SERPINA11: variants seen among roughly 807,000 people sequenced by gnomAD.
SERPINA11 encodes the protein serpin family A member 11.
A neutral mutation model predicts 29.4 loss-of-function variants in SERPINA11; 28 were observed. The observed-to-expected ratio is 0.95, with a 90% CI of 0.70 to 1.30. The LOEUF is 1.30. Ranked by LOEUF, SERPINA11 falls within the 50% of genes most tolerant of loss-of-function variation. SERPINA11 has a pLI of 0.00. For missense variants in SERPINA11, 530 were observed against 507.3 expected (o/e 1.04, Z -0.43); for synonymous variants, 253 against 206.6 (o/e 1.22, Z -1.92).
In SERPINA11 at chr14:94,449,475, TTC is replaced by T. The variant is rs1361964397; in HGVS notation, c.-3-700_-3-699del. On this transcript the variant is annotated intron_variant, in intron 1 of 4. Coordinates refer to ENST00000334708, the MANE Select transcript of SERPINA11 (RefSeq NM_001080451.2). ...TTTCTTTCTTTCTTTCTTTCTTTCTTTCTTTCTGTCTGTCTGTCTTTCTTTCT... is the reference window on the plus strand; with the variant it reads ...TTTCTTTCTTTCTTTCTTTCTTTCTTTTTCTGTCTGTCTGTCTTTCTTTCT... 1.8e-3 allele frequency among the ~76,000 whole-genome samples: 167 copies of T among 91,398 alleles called. 17 individuals are homozygous for T. Among genetic ancestry groups the T allele is most frequent in the African/African-American group, 8.0e-3 (157 of 19,748 alleles). 60.0% of individuals were successfully genotyped at this position (91,398 alleles called of 152,430 possible). A position where few individuals can be genotyped will look rare whatever the true frequency, so the allele number is the denominator to read the frequency against.
At chr14:94,449,193 T>G (rs937786043) in intron 1 of SERPINA11, among the ~76,000 whole-genome samples, 1 of 151,888 alleles carries the variant, frequency 6.6e-6, no homozygotes, top group Non-Finnish European at 1.5e-5. Flanking sequence ...TACAAAATGT[T>G]TTTAAAAATT....
In SERPINA11 at chr14:94,448,585, C is replaced by A; in HGVS notation, c.190G>T (p.Glu64Ter). ...ITNFALRLYK[E>*]LAADAPGNIF... ...TTTCCGGGGGCGTCTGCTGCCAGCT[C>A]TTTATACAAACGCAAAGCAAAATTG... The change falls in exon 2 of 5, where the codon GAG becomes TAG. Residue 64 changes from glutamate to a stop codon, truncating the protein, a stop_gained. Transcript: ENST00000334708. LOFTEE classifies it high-confidence loss of function. 1 of 1,614,050 alleles carries A rather than the reference C, an allele frequency of 6.2e-7. No homozygotes were observed.
rs930277795 is a variant in SERPINA11, at chr14:94,442,986, A to G, written c.1065+92T>C. 2.7e-6 allele frequency: 4 copies of G among 1,455,576 alleles called. No individual in the cohort carries two copies. In the African/African-American group the frequency reaches 5.7e-5, roughly 21 times the overall value. 90.2% of individuals were successfully genotyped at this position (1,455,576 alleles called of 1,614,324 possible). A position where few individuals can be genotyped will look rare whatever the true frequency, so the allele number is the denominator to read the frequency against. ...AAATAGTCTGCACAGGACAAAGAAC[A>G]AGGAACTTGACTTTTAAATGTCCCA... On this transcript the variant is annotated intron_variant, in intron 4 of 4. Transcript: ENST00000334708.
chr14:94,449,785 T>A (rs1898553946), intron 1 of SERPINA11, among the ~76,000 whole-genome samples: 1 of 152,108 alleles, frequency 6.6e-6, no homozygotes, highest in South Asian at 2.1e-4. Context: ...AATAGCTATA[T>A]ATGTGATGAC....
intron 2 of SERPINA11, 106 bp downstream of exon 2, chr14:94,448,026 A>T: frequency 8.9e-7 from 1 of 1,117,898 alleles, no homozygotes; most frequent in Admixed American, 2.1e-5. Flanking sequence ...TATCTTATTC[A>T]TAGATTTCCC....
At chr14:94,448,877 G>T in intron 1 of SERPINA11, 100 bp from the exon 2 acceptor site, 7 of 1,145,140 alleles carry the variant, frequency 6.1e-6, no homozygotes, top group Non-Finnish European at 8.4e-6. Context: ...GTGCCCCACA[G>T]GGCTGCCATG....
rs76289690 is a variant in SERPINA11, at chr14:94,448,297, G to T, written c.478C>A (p.Leu160Ile). The stretch of plus-strand genomic sequence containing the variant: ...GCAGAAAAAGCAAAAGCTCCATAAA[G>T]CTCCTTGATGCTGTCCAAATAGTGC... Reference protein sequence around the residue: ...RQHYLDSIKELYGAFAFSANF... With the variant: ...RQHYLDSIKEIYGAFAFSANF... Residue 160 changes from leucine (L) to isoleucine (I), a missense_variant, in exon 2 of 5, where the codon CTT (leucine) becomes ATT (isoleucine). Physicochemically the swap from Leu to Ile is conservative, Grantham distance 5. Transcript: ENST00000334708. 1.2e-6 allele frequency: 2 copies of T among 1,614,116 alleles called. No individual in the cohort carries two copies. Among genetic ancestry groups the T allele is most frequent in the African/African-American group, 2.7e-5 (2 of 74,934 alleles).
chr14:94,442,506 T>C lies in SERPINA11; in HGVS notation c.*100A>G, dbSNP rs945558974. 2.4e-5 allele frequency: 19 copies of C among 804,762 alleles called. No homozygotes were observed. Among genetic ancestry groups the C allele is most frequent in the African/African-American group, 2.3e-4 (13 of 57,546 alleles). The allele number at this position is 804,762 out of a possible 1,614,324, so 49.9% of individuals were successfully genotyped here. A position where few individuals can be genotyped will look rare whatever the true frequency, so the allele number is the denominator to read the frequency against. ...CAACTTTATTAGAATCTTGGCACAC[T>C]GATTAACTGAACCACATAGCAGCCC... On this transcript the variant is annotated 3_prime_UTR_variant, in exon 5 of 5. Coordinates refer to ENST00000334708, the MANE Select transcript of SERPINA11 (RefSeq NM_001080451.2).
At chr14:94,443,938 A>C (rs1352197065) in intron 3 of SERPINA11, among the ~76,000 whole-genome samples, 1 of 152,190 alleles carries the variant, frequency 6.6e-6, no homozygotes, top group Non-Finnish European at 1.5e-5. Flanking sequence ...TCTTCTTTAT[A>C]ATTATGGTTT....
intron 3 of SERPINA11, among the ~76,000 whole-genome samples, chr14:94,446,011 G>A (rs1461533493): frequency 2.0e-5 from 3 of 152,178 alleles, no homozygotes; most frequent in Admixed American, 2.0e-4. Flanking sequence ...ATGGGGATCA[G>A]ACAGACACCA....
Position 94,449,395 on chromosome 14 carries a change from TCTTTCTTTCTATTCTTTCTTTCTTTC to T in SERPINA11, c.-3-644_-3-619del, listed in dbSNP as rs201948710. 5.7e-3 allele frequency among the ~76,000 whole-genome samples: 470 copies of T among 82,120 alleles called. 24 individuals are homozygous for T. Among genetic ancestry groups the T allele is most frequent in the African/African-American group, 7.7e-3 (182 of 23,560 alleles). 53.9% of individuals were successfully genotyped at this position (82,120 alleles called of 152,430 possible). A position where few individuals can be genotyped will look rare whatever the true frequency, so the allele number is the denominator to read the frequency against. On this transcript the variant is annotated intron_variant, in intron 1 of 4. Coordinates refer to ENST00000334708, the MANE Select transcript of SERPINA11 (RefSeq NM_001080451.2). ...CCATAGTCTAGCCTCCCTCCCTCTTTCTTTCTTTCTATTCTTTCTTTCTTTCTTTCTTTCTTTCTTTCTTTCTTTCT... is the reference window on the plus strand; with the variant it reads ...CCATAGTCTAGCCTCCCTCCCTCTTTTTTCTTTCTTTCTTTCTTTCTTTCT...
intron 3 of SERPINA11, 87 bp from the exon 4 acceptor site, chr14:94,443,312 A>AAATGCCTCTCTCCCAT: frequency 7.4e-7 from 1 of 1,348,636 alleles, no homozygotes; most frequent in South Asian, 1.4e-5. Flanking sequence ...GAGCCATGGG[A>AAATGCCTCTCTCCCAT]GAGAGGCATT....
chr14:94,446,779 A>G (rs978453206), intron 2 of SERPINA11, among the ~76,000 whole-genome samples, 175 bp from the exon 3 acceptor site: 9 of 152,222 alleles, frequency 5.9e-5, no homozygotes, highest in Non-Finnish European at 1.2e-4. Context: ...AGGACAAGTC[A>G]CCAGTGTTTG....
chr14:94,450,785 C>T (rs529143056), intron 1 of SERPINA11, among the ~76,000 whole-genome samples: 1 of 152,266 alleles, frequency 6.6e-6, no homozygotes, highest in South Asian at 2.1e-4. Flanking sequence ...GCTGGGAATG[C>T]AGCCTGAGCT....
At chr14:94,445,906 T>C (rs1381827088) in intron 3 of SERPINA11, among the ~76,000 whole-genome samples, 2 of 151,980 alleles carry the variant, frequency 1.3e-5, no homozygotes, top group Non-Finnish European at 2.9e-5. Context: ...TCTGATCTGA[T>C]TTTTTTTGCT....
chr14:94,445,566 G>A (rs539291452), intron 3 of SERPINA11, among the ~76,000 whole-genome samples: 1 of 152,156 alleles, frequency 6.6e-6, no homozygotes, highest in East Asian at 1.9e-4. Context: ...ACAATATAAT[G>A]ATAATAATAA....
At chr14:94,446,239 G>A (rs1898434942) in intron 3 of SERPINA11, 92 bp downstream of exon 3, 1 of 1,180,432 alleles carries the variant, frequency 8.5e-7, no homozygotes, top group Non-Finnish European at 1.2e-6. Context: ...GCCTAATCGA[G>A]ATGGATGTTG....
At chr14:94,447,022 G>C (rs1160104850) in intron 2 of SERPINA11, among the ~76,000 whole-genome samples, 1 of 152,198 alleles carries the variant, frequency 6.6e-6, no homozygotes, top group Admixed American at 6.5e-5. Context: ...TGACTGAGCA[G>C]CTCAGATTGC....
Position 94,443,155 on chromosome 14 carries a change from T to A in SERPINA11, c.988A>T (p.Ile330Phe). ...AAGTTGAGTATGTTGGTGAGACCAA[T>A]TTGGGGAAGTATGTCTTCCAGGTTA... Reference protein sequence around the residue: ...TYNLEDILPQIGLTNILNLEA... With the variant: ...TYNLEDILPQFGLTNILNLEA... The change falls in exon 4 of 5, where the codon ATT becomes TTT. Residue 330 changes from isoleucine to phenylalanine, a missense_variant. Coordinates refer to ENST00000334708, the MANE Select transcript of SERPINA11 (RefSeq NM_001080451.2). 1 of 1,614,078 alleles carries A rather than the reference T, an allele frequency of 6.2e-7. No individual in the cohort carries two copies. Among genetic ancestry groups the A allele is most frequent in the South Asian group, 1.1e-5 (1 of 91,062 alleles).
Sources: allele counts gnomAD v4.1 joint callset (sites outside exome capture counted in the v4.1 genomes callset), GRCh38; gene constraint gnomAD v4.1.1; transcripts MANE v1.5; gene names NCBI Gene and HGNC (gene_info 2026-07-23, HGNC 2026-07-21).